The following DPY19L3 variants were observed in gnomAD, a reference collection of about 807,000 sequenced individuals.
The protein encoded by DPY19L3 is dpy-19 like C-mannosyltransferase 3, also known as protein C-mannosyl-transferase DPY19L3.
In DPY19L3, 51 loss-of-function variants were observed where a neutral mutation model predicts 92.3. That is an observed-to-expected ratio of 0.55 (90% CI 0.44 to 0.70). The LOEUF is 0.70. DPY19L3 is among the 30% of genes least tolerant of loss of function. DPY19L3 has a pLI of 0.00. For synonymous variants in DPY19L3, 309 were observed against 315.2 expected, an observed-to-expected ratio of 0.98 and a Z score of 0.21; for missense variants, 706 against 855.9, an observed-to-expected ratio of 0.82 and a Z score of 2.18.
At chr19:32,432,871 A>G (rs1599616337) in intron 4 of DPY19L3, 65 bp downstream of exon 4, 2 of 1,412,794 alleles carry the variant, frequency 1.4e-6, no homozygotes, top group East Asian at 2.3e-5. Flanking sequence ...AGTGAGAAGT[A>G]CTGTGCACTA....
At chr19:32,410,355 C>G (rs186666258) in intron 2 of DPY19L3, among the ~76,000 whole-genome samples, 1 of 152,160 alleles carries the variant, frequency 6.6e-6, no homozygotes, top group Admixed American at 6.6e-5. Flanking sequence ...GGTATTTAAG[C>G]TTTCTTATAT....
At chr19:32,453,362 A>C (rs1969768546) in intron 9 of DPY19L3, 86 bp downstream of exon 9, 3 of 1,360,172 alleles carry the variant, frequency 2.2e-6, no homozygotes, top group Non-Finnish European at 3.0e-6. Context: ...CAGCATACAA[A>C]GGGAAATTTA....
At chr19:32,431,127 C>T (rs926662516) in intron 3 of DPY19L3, among the ~76,000 whole-genome samples, 2 of 152,096 alleles carry the variant, frequency 1.3e-5, no homozygotes, top group Non-Finnish European at 2.9e-5. Context: ...CGCCTGTAAT[C>T]CCAGCACTTT....
chr19:32,462,676 AAG>A (rs1296900890), intron 12 of DPY19L3, among the ~76,000 whole-genome samples: 1 of 152,220 alleles, frequency 6.6e-6, no homozygotes, highest in African/African-American at 2.4e-5. Flanking sequence ...TTTTTAAAAA[AAG>A]GAGATACTTT....
chr19:32,482,081 G>T lies in DPY19L3; in HGVS notation c.1992G>T (p.Met664Ile). The T allele has an allele frequency of 6.2e-7, 1 of 1,606,670 alleles. No homozygotes were observed. Among genetic ancestry groups the T allele is most frequent in the Non-Finnish European group, 8.5e-7 (1 of 1,177,974 alleles). The stretch of plus-strand genomic sequence containing the variant: ...ATTTGGGTTTGTTTTGGTTTTAGAT[G>T]ATGGATGGCCCAGGAGAGAATGATC... Reference protein sequence around the residue: ...RDLLDIANGHMMDGPGENDPD... With the variant: ...RDLLDIANGHIMDGPGENDPD... The change falls in exon 19 of 19, where the codon ATG becomes ATT. Residue 664 changes from methionine to isoleucine, a missense_variant and splice_region_variant. By Grantham distance (10) the Met-to-Ile change is conservative (BLOSUM62 1). Transcript: ENST00000392250.
intron 6 of DPY19L3, among the ~76,000 whole-genome samples, chr19:32,438,208 AT>A (rs1969208249): frequency 1.3e-5 from 2 of 152,198 alleles, no homozygotes; most frequent in African/African-American, 4.8e-5. Flanking sequence ...AAACTTGAAC[AT>A]GAGTTCTAAT....
intron 16 of DPY19L3, among the ~76,000 whole-genome samples, chr19:32,475,110 C>T (rs1599677042): frequency 6.6e-6 from 1 of 152,184 alleles, no homozygotes; most frequent in African/African-American, 2.4e-5. Flanking sequence ...GGCTGGATAA[C>T]AAGGCCTGTC....
chr19:32,471,383 A>G (rs1306403546), intron 16 of DPY19L3, among the ~76,000 whole-genome samples: 1 of 152,128 alleles, frequency 6.6e-6, no homozygotes, highest in East Asian at 1.9e-4. Flanking sequence ...TGCCCATGCA[A>G]TCATCACGGC....
chr19:32,428,834 T>C (rs926004159), intron 3 of DPY19L3, among the ~76,000 whole-genome samples: 1 of 151,580 alleles, frequency 6.6e-6, no homozygotes, highest in Admixed American at 6.6e-5. Flanking sequence ...TTTTTTTTGT[T>C]TTTTTTCTTG....
intron 5 of DPY19L3, 41 bp from the exon 6 acceptor site, chr19:32,437,152 AG>A: frequency 6.2e-7 from 1 of 1,611,514 alleles, no homozygotes. Context: ...GAGGAGGGTT[AG>A]GGCTCACCTG....
intron 3 of DPY19L3, among the ~76,000 whole-genome samples, chr19:32,430,476 A>G (rs73567538): frequency 0.033 from 4,951 of 152,264 alleles, 258 homozygotes; most frequent in African/African-American, 0.11. Flanking sequence ...AGGAAGTTCA[A>G]TATATAAGAT....
At chr19:32,452,324 A>G (rs1297429917) in intron 8 of DPY19L3, among the ~76,000 whole-genome samples, 1 of 152,220 alleles carries the variant, frequency 6.6e-6, no homozygotes, top group African/African-American at 2.4e-5. Flanking sequence ...GCTGCCTGCT[A>G]TGAAGCTGTG....
At chr19:32,469,524 A>G (rs1421142718) in intron 16 of DPY19L3, among the ~76,000 whole-genome samples, 1 of 152,078 alleles carries the variant, frequency 6.6e-6, no homozygotes, top group Non-Finnish European at 1.5e-5. Context: ...GAAAAAAGAA[A>G]AAATATTCTT....
Position 32,451,931 on chromosome 19 carries a change from C to G in DPY19L3, c.856-1214C>G, listed in dbSNP as rs565480461. ...CTTACTGCAGCCTCAACCTCCTGGACTCAAGTGATCCTCCCACCTCAGCCT... is the reference window on the plus strand; with the variant it reads ...CTTACTGCAGCCTCAACCTCCTGGAGTCAAGTGATCCTCCCACCTCAGCCT... On this transcript the variant is annotated intron_variant, in intron 8 of 18. Transcript: ENST00000392250. Among the ~76,000 whole-genome samples the G allele has an allele frequency of 7.2e-5, 11 of 152,186 alleles. No individual in the cohort carries two copies. The South Asian group carries it at 2.3e-3, about 32-fold the overall frequency.
chr19:32,410,848 A>T (rs752860397), intron 2 of DPY19L3, among the ~76,000 whole-genome samples: 1 of 152,236 alleles, frequency 6.6e-6, no homozygotes, highest in Non-Finnish European at 1.5e-5. Context: ...TAAGCCACCA[A>T]TTGTACCTAG....
intron 8 of DPY19L3, among the ~76,000 whole-genome samples, chr19:32,447,969 A>C (rs564928201): frequency 5.3e-5 from 8 of 152,106 alleles, no homozygotes; most frequent in African/African-American, 1.9e-4. Flanking sequence ...TCTCAGGAAG[A>C]GTGGGAGGTG....
intron 10 of DPY19L3, among the ~76,000 whole-genome samples, chr19:32,455,274 A>T (rs914381608): frequency 6.6e-6 from 1 of 152,030 alleles, no homozygotes; most frequent in Non-Finnish European, 1.5e-5. Flanking sequence ...TGAAACTTTT[A>T]ATTTTAAATA....
intron 15 of DPY19L3, among the ~76,000 whole-genome samples, chr19:32,465,469 C>T (rs146685579): frequency 1.6e-4 from 24 of 152,220 alleles, no homozygotes; most frequent in African/African-American, 5.8e-4. Context: ...GAGCTTCTGC[C>T]CTCTCTTTTT....
chr19:32,429,866 T>C (rs192549272), intron 3 of DPY19L3, among the ~76,000 whole-genome samples: 1 of 152,214 alleles, frequency 6.6e-6, no homozygotes, highest in African/African-American at 2.4e-5. Flanking sequence ...GTTATTTGAA[T>C]GAGTAGGAGT....
Sources: allele counts gnomAD v4.1 joint callset (sites outside exome capture counted in the v4.1 genomes callset), GRCh38; gene constraint gnomAD v4.1.1; transcripts MANE v1.5; gene names NCBI Gene and HGNC (gene_info 2026-07-23, HGNC 2026-07-21).